MIGA1: variants seen among roughly 807,000 people sequenced by gnomAD.
MIGA1 encodes family with sequence similarity 73, member A.
A neutral mutation model predicts 82.0 loss-of-function variants in MIGA1; 58 were observed. The ratio of observed to expected loss-of-function variants is 0.71; its 90% CI spans 0.57 to 0.88. The LOEUF is 0.88. MIGA1 is among the 40% of genes least tolerant of loss of function. The pLI, the probability that MIGA1 is intolerant of heterozygous loss-of-function variation, is 0.00. For missense variants in MIGA1, 751 were observed against 749.1 expected (o/e 1.00, Z -0.03); for synonymous variants, 249 against 253.6 (o/e 0.98, Z 0.17).
At chr1:77,805,402 G>T (rs1683054566) in intron 4 of MIGA1, among the ~76,000 whole-genome samples, 1 of 149,492 alleles carries the variant, frequency 6.7e-6, no homozygotes, top group Non-Finnish European at 1.5e-5. Context: ...TAGATCAAAG[G>T]CCTACAGACT....
chr1:77,842,968 C>G (rs1229324389), intron 7 of MIGA1, among the ~76,000 whole-genome samples: 1 of 152,222 alleles, frequency 6.6e-6, no homozygotes, highest in Non-Finnish European at 1.5e-5. Context: ...AGACCACTTG[C>G]AAATAAATTG....
At chr1:77,821,224 A>G (rs1683795595) in intron 7 of MIGA1, among the ~76,000 whole-genome samples, 1 of 152,008 alleles carries the variant, frequency 6.6e-6, no homozygotes, top group Non-Finnish European at 1.5e-5. Context: ...GTTAACTAAA[A>G]TTTCTAAGTT....
chr1:77,857,902 A>G (rs1685324294), intron 8 of MIGA1, among the ~76,000 whole-genome samples: 1 of 152,186 alleles, frequency 6.6e-6, no homozygotes, highest in Non-Finnish European at 1.5e-5. Context: ...ATGTCTTAGA[A>G]TAGCAACACT....
intron 14 of MIGA1, among the ~76,000 whole-genome samples, chr1:77,870,224 C>A (rs1171712311): frequency 4.1e-5 from 5 of 123,282 alleles, no homozygotes; most frequent in African/African-American, 1.2e-4. Context: ...GGGGCTGACC[C>A]CCCCCCCCAC....
intron 2 of MIGA1, among the ~76,000 whole-genome samples, chr1:77,791,514 A>G (rs1682423925): frequency 6.7e-6 from 1 of 149,312 alleles, no homozygotes; most frequent in Non-Finnish European, 1.5e-5. Context: ...TTGTGTGGAC[A>G]TGTTTTTATT....
chr1:77,841,832 T>A (rs1684640822), intron 7 of MIGA1, among the ~76,000 whole-genome samples: 1 of 150,946 alleles, frequency 6.6e-6, no homozygotes, highest in Non-Finnish European at 1.5e-5. Flanking sequence ...AAGGTCTCAC[T>A]CTGACATCCA....
chr1:77,878,830 A>G lies in MIGA1; in HGVS notation c.*3766A>G, dbSNP rs1057036526. 2 of 382,412 alleles carry G rather than the reference A, an allele frequency of 5.2e-6. No individual in the cohort carries two copies. The highest frequency in any genetic ancestry group is 9.3e-6 in the Non-Finnish European group (2 of 214,822). The allele number at this position is 382,412 out of a possible 1,614,324, so 23.7% of individuals were successfully genotyped here. On this transcript the variant is annotated 3_prime_UTR_variant, in exon 16 of 16. Transcript: ENST00000370791. Reference sequence around the variant, plus strand: ...GAAGACAAGTTTTCCATACTGTCACAGTAAGCTCCAAAGAACTTTGTCTTT... The same window carrying G: ...GAAGACAAGTTTTCCATACTGTCACGGTAAGCTCCAAAGAACTTTGTCTTT...
chr1:77,830,752 G>A (rs564277412), intron 7 of MIGA1, among the ~76,000 whole-genome samples: 1 of 152,048 alleles, frequency 6.6e-6, no homozygotes, highest in Non-Finnish European at 1.5e-5. Flanking sequence ...AGGTAAAGGA[G>A]CATTAATGGC....
chr1:77,784,336 C>T (rs1424794352), intron 2 of MIGA1, among the ~76,000 whole-genome samples: 1 of 152,038 alleles, frequency 6.6e-6, no homozygotes, highest in Non-Finnish European at 1.5e-5. Context: ...GCAATCCTCC[C>T]ACTTCAGCCT....
chr1:77,869,088 A>G (rs7519671), intron 14 of MIGA1, among the ~76,000 whole-genome samples: 70 of 151,766 alleles, frequency 4.6e-4, no homozygotes, highest in East Asian at 7.7e-4. Flanking sequence ...AGGACCCTGC[A>G]GCCTTCCGCA....
intron 7 of MIGA1, among the ~76,000 whole-genome samples, chr1:77,820,926 G>C (rs1191373712): frequency 6.6e-6 from 1 of 152,142 alleles, no homozygotes; most frequent in Non-Finnish European, 1.5e-5. Flanking sequence ...CTGAGGTCAG[G>C]AGTTCAAGAC....
rs1256037562 is a variant in MIGA1, at chr1:77,844,111, AAAATATATATAT to A, written c.996+706_996+717del. On this transcript the variant is annotated intron_variant, in intron 8 of 15. Transcript: ENST00000370791. ...ACAAGACCCTGTCTTAAAAAAAAAA[AAAATATATATAT>A]ATATATATATATATAGATAGATAGA... is the stretch of plus-strand genomic sequence containing the variant. Among the ~76,000 whole-genome samples, 13 of 53,808 alleles carry A rather than the reference AAAATATATATAT, an allele frequency of 2.4e-4. No homozygotes were observed. The Admixed American group carries it at 2.5e-3, about 10-fold the overall frequency. 35.3% of individuals were successfully genotyped at this position (53,808 alleles called of 152,430 possible).
intron 13 of MIGA1, 59 bp downstream of exon 13, chr1:77,864,087 G>A (rs1350172016): frequency 9.6e-6 from 15 of 1,558,948 alleles, no homozygotes; most frequent in South Asian, 7.1e-5. Context: ...GAGGCTGGGC[G>A]CAGTAGCTCA....
At chr1:77,797,329 G>A (rs1459248892) in intron 2 of MIGA1, among the ~76,000 whole-genome samples, 8 of 152,190 alleles carry the variant, frequency 5.3e-5, no homozygotes, top group Non-Finnish European at 2.9e-5. Context: ...ATATGTTTGT[G>A]TGTGTTTCTT....
chr1:77,833,080 G>C (rs779270832), intron 7 of MIGA1, among the ~76,000 whole-genome samples: 1 of 152,160 alleles, frequency 6.6e-6, no homozygotes, highest in Non-Finnish European at 1.5e-5. Context: ...AATACTGAAT[G>C]AACTTGGCAA....
In MIGA1 at chr1:77,803,291, G is replaced by A. The variant is rs1682960548; in HGVS notation, c.395G>A (p.Arg132Lys). 6.5e-7 allele frequency: 1 copy of A among 1,533,394 alleles called. No homozygotes were observed. Among genetic ancestry groups the A allele is most frequent in the Non-Finnish European group, 8.8e-7 (1 of 1,139,960 alleles). The allele number at this position is 1,533,394 out of a possible 1,614,324, so 95.0% of individuals were successfully genotyped here. A position where few individuals can be genotyped will look rare whatever the true frequency, so the allele number is the denominator to read the frequency against. The change falls in exon 4 of 16, where the codon AGA becomes AAA. Residue 132 changes from arginine to lysine, a missense_variant. Arg to Lys is a conservative substitution (Grantham distance 26). Coordinates refer to ENST00000370791, the MANE Select transcript of MIGA1 (RefSeq NM_198549.4). Reference sequence around the variant, plus strand: ...ATAGGTTCAAGTTGTTCCAGTAGCAGACAGAATTTGACATTATCTTTAAGT... The same window carrying A: ...ATAGGTTCAAGTTGTTCCAGTAGCAAACAGAATTTGACATTATCTTTAAGT...
intron 1 of MIGA1, among the ~76,000 whole-genome samples, chr1:77,781,348 A>G (rs1681907295): frequency 6.6e-6 from 1 of 152,250 alleles, no homozygotes; most frequent in African/African-American, 2.4e-5. Context: ...TACGTTTTTT[A>G]AATGCAGTAG....
intron 7 of MIGA1, among the ~76,000 whole-genome samples, chr1:77,823,224 T>C (rs913884554): frequency 1.3e-5 from 2 of 152,236 alleles, no homozygotes; most frequent in South Asian, 4.1e-4. Flanking sequence ...TTTTTTTTTT[T>C]AAATAGCAGA....
chr1:77,789,422 C>T (rs1480864583), intron 2 of MIGA1, among the ~76,000 whole-genome samples: 1 of 151,940 alleles, frequency 6.6e-6, no homozygotes, highest in East Asian at 1.9e-4. Context: ...CTTGCCCAGG[C>T]TGGTCTCAAA....
Sources: allele counts gnomAD v4.1 joint callset (sites outside exome capture counted in the v4.1 genomes callset), GRCh38; gene constraint gnomAD v4.1.1; transcripts MANE v1.5; gene names NCBI Gene and HGNC (gene_info 2026-07-23, HGNC 2026-07-21).